Variants in SKAP2 observed in about 807,000 individuals in gnomAD.
SKAP2 encodes src kinase associated phosphoprotein 2, also known as src kinase-associated phosphoprotein 2.
Under a neutral mutation model 54.9 loss-of-function variants are expected in SKAP2, and 28 were observed. That is an observed-to-expected ratio of 0.51 (90% CI 0.38 to 0.70). The LOEUF is 0.70. Ranked by LOEUF, SKAP2 falls within the 30% of genes least tolerant of loss-of-function variation. SKAP2 has a pLI of 0.00. For missense variants in SKAP2, 356 were observed against 424.1 expected (o/e 0.84, Z 1.41); for synonymous variants, 137 against 134.3 (o/e 1.02, Z -0.14).
At chr7:26,859,978 A>T (rs1325844885) in intron 1 of SKAP2, among the ~76,000 whole-genome samples, 1 of 152,198 alleles carries the variant, frequency 6.6e-6, no homozygotes, top group East Asian at 1.9e-4. Context: ...TTATGAGACA[A>T]CTAAACTGTG....
At chr7:26,832,305 C>G (rs978575028) in intron 4 of SKAP2, among the ~76,000 whole-genome samples, 11 of 152,156 alleles carry the variant, frequency 7.2e-5, no homozygotes, top group African/African-American at 2.4e-4. Context: ...TTCTAGAAAT[C>G]TAGTATTCAC....
chr7:26,811,756 T>C (rs558872331), intron 4 of SKAP2, among the ~76,000 whole-genome samples: 20 of 152,288 alleles, frequency 1.3e-4, no homozygotes, highest in African/African-American at 4.3e-4. Flanking sequence ...AAAGGGCACT[T>C]AGTAGTAAAT....
chr7:26,834,598 A>G (rs573722661), intron 4 of SKAP2, among the ~76,000 whole-genome samples: 2 of 152,344 alleles, frequency 1.3e-5, no homozygotes, highest in Admixed American at 6.5e-5. Flanking sequence ...AATCTAAAAG[A>G]AATGGATGAA....
intron 9 of SKAP2, among the ~76,000 whole-genome samples, chr7:26,709,617 T>C (rs1787248772): frequency 6.6e-6 from 1 of 152,192 alleles, no homozygotes; most frequent in Non-Finnish European, 1.5e-5. Context: ...CATATCTGAG[T>C]TTACTTTTAA....
intron 4 of SKAP2, among the ~76,000 whole-genome samples, chr7:26,818,658 A>G (rs10227575): frequency 0.084 from 12,745 of 152,172 alleles, 605 homozygotes; most frequent in Middle Eastern, 0.16. Context: ...ATGGGAGAAA[A>G]TTTTTGCAAT....
At chr7:26,822,045 T>G (rs1450135125) in intron 4 of SKAP2, among the ~76,000 whole-genome samples, 2 of 144,112 alleles carry the variant, frequency 1.4e-5, no homozygotes, top group Non-Finnish European at 3.1e-5. Flanking sequence ...AAATCCAATC[T>G]TTATTCTTTA....
chr7:26,762,577 C>T (rs1296472989), intron 4 of SKAP2, among the ~76,000 whole-genome samples: 1 of 151,992 alleles, frequency 6.6e-6, no homozygotes, highest in Non-Finnish European at 1.5e-5. Flanking sequence ...GTGGCTCATG[C>T]CTGTAATCCC....
chr7:26,851,351 G>A (rs1785037579), intron 3 of SKAP2, among the ~76,000 whole-genome samples: 1 of 151,964 alleles, frequency 6.6e-6, no homozygotes, highest in Non-Finnish European at 1.5e-5. Context: ...GGCTGAGGTG[G>A]AAGGATCATT....
At chr7:26,864,227 G>GT in intron 1 of SKAP2, 136 bp downstream of exon 1, 1 of 1,030,824 alleles carries the variant, frequency 9.7e-7, no homozygotes, top group Non-Finnish European at 1.5e-6. Context: ...TCTCCTCCCT[G>GT]TGCCGACCCC....
At chr7:26,679,839 C>T (rs919622454) in intron 11 of SKAP2, among the ~76,000 whole-genome samples, 9 of 152,196 alleles carry the variant, frequency 5.9e-5, no homozygotes, top group Non-Finnish European at 1.0e-4. Flanking sequence ...CAATGACAGT[C>T]ACAATTCACC....
Position 26,684,642 on chromosome 7 carries a change from T to C in SKAP2, c.987+94A>G, listed in dbSNP as rs193265670. 9.3e-5 allele frequency: 64 copies of C among 690,926 alleles called. No homozygotes were observed. The Middle Eastern group carries it at 9.8e-4, about 11-fold the overall frequency. The allele number at this position is 690,926 out of a possible 1,614,324, so 42.8% of individuals were successfully genotyped here. On this transcript the variant is annotated intron_variant, in intron 11 of 12. Coordinates refer to ENST00000345317, the MANE Select transcript of SKAP2 (RefSeq NM_003930.5). Reference sequence around the variant, plus strand: ...TAACAAGGACCTAGAAGAATTCCAATTGGCATTCTTCCCTAGCTCTGTAAA... The same window carrying C: ...TAACAAGGACCTAGAAGAATTCCAACTGGCATTCTTCCCTAGCTCTGTAAA...
chr7:26,811,348 C>T (rs1784140110), intron 4 of SKAP2, among the ~76,000 whole-genome samples: 1 of 152,072 alleles, frequency 6.6e-6, no homozygotes, highest in South Asian at 2.1e-4. Flanking sequence ...TTGATTTTAC[C>T]TTAAAGGCTT....
rs1010571325 is a variant in SKAP2, at chr7:26,802,491, G to A, written c.307+41539C>T. The stretch of plus-strand genomic sequence containing the variant: ...TCTCCATGTTGGTCAGGCTGGTCTC[G>A]AGCTCCCGACCTCAGGTGATCTGCC... On this transcript the variant is annotated intron_variant, in intron 4 of 12. Coordinates refer to ENST00000345317, the MANE Select transcript of SKAP2 (RefSeq NM_003930.5). 3.3e-5 allele frequency among the ~76,000 whole-genome samples: 5 copies of A among 151,966 alleles called. No homozygotes were observed. In the South Asian group the frequency reaches 6.2e-4, roughly 19 times the overall value.
intron 3 of SKAP2, among the ~76,000 whole-genome samples, chr7:26,845,693 T>C (rs1784906190): frequency 6.6e-6 from 1 of 152,200 alleles, no homozygotes; most frequent in Non-Finnish European, 1.5e-5. Flanking sequence ...CTACTCAGCA[T>C]GCTTGAGGCC....
chr7:26,678,442 CTTTT>C (rs931425488), intron 11 of SKAP2, among the ~76,000 whole-genome samples: 2 of 133,814 alleles, frequency 1.5e-5, no homozygotes, highest in Admixed American at 7.5e-5. Flanking sequence ...ACTGGTTGTT[CTTTT>C]TTTTTTTTTT....
chr7:26,715,932 A>G (rs1787424877), intron 9 of SKAP2, among the ~76,000 whole-genome samples: 1 of 152,240 alleles, frequency 6.6e-6, no homozygotes, highest in Non-Finnish European at 1.5e-5. Context: ...TTCAGCTTCC[A>G]AACACATGGG....
At chr7:26,656,218 A>C in the SKAP2 span, among the ~76,000 whole-genome samples, 6 of 152,330 alleles carry the variant, frequency 3.9e-5, no homozygotes, top group South Asian at 1.2e-3. Context: ...AACAATATGC[A>C]TGATAAGCTA....
intron 10 of SKAP2, among the ~76,000 whole-genome samples, chr7:26,685,681 T>C (rs1584329891): frequency 1.3e-5 from 2 of 152,300 alleles, no homozygotes; most frequent in South Asian, 2.1e-4. Flanking sequence ...CTTTCCACTC[T>C]GTAAGACCAC....
rs953211767 is a variant in SKAP2 at position 26,702,303 on chromosome 7, G to A, written c.797-11941C>T. 4.0e-5 allele frequency among the ~76,000 whole-genome samples: 6 copies of A among 151,830 alleles called. No homozygotes were observed. The East Asian group carries it at 9.7e-4, about 25-fold the overall frequency. The stretch of plus-strand genomic sequence containing the variant: ...ACTGCAGGCGCACACTACTACATCC[G>A]GCTGATTTTTGTATTTTTTGTAGAG... On this transcript the variant is annotated intron_variant, in intron 9 of 12. Transcript: ENST00000345317.
Sources: allele counts gnomAD v4.1 joint callset (sites outside exome capture counted in the v4.1 genomes callset), GRCh38; gene constraint gnomAD v4.1.1; transcripts MANE v1.5; gene names NCBI Gene and HGNC (gene_info 2026-07-23, HGNC 2026-07-21).